Variants in CTNNA2 observed in about 807,000 individuals in gnomAD.
CTNNA2 encodes the protein catenin alpha-2.
A neutral mutation model predicts 101.0 loss-of-function variants in CTNNA2; 42 were observed. The observed-to-expected ratio is 0.42, with a 90% confidence interval of 0.32 to 0.54. The LOEUF is 0.54. CTNNA2 is among the 20% of genes least tolerant of loss of function. The pLI is 0.14. For missense variants in CTNNA2, 871 were observed against 1,223.1 expected (o/e 0.71, Z 4.29); for synonymous variants, 450 against 456.4 (o/e 0.99, Z 0.18).
At chr2:79,416,369 C>T (rs1385349813) in intron 4 of CTNNA2, among the ~76,000 whole-genome samples, 1 of 149,842 alleles carries the variant, frequency 6.7e-6, no homozygotes, top group African/African-American at 2.5e-5. Context: ...AAATTCTAAG[C>T]CTATTTCAAA....
rs76971846 is a variant in CTNNA2 at position 79,681,600 on chromosome 2, A to C, written c.102+29942A>C. ...TTATTAGTGCATTCTTAGCAGAATGAAATATGGAACAAGTCAGCTTCACAC... is the reference window on the plus strand; with the variant it reads ...TTATTAGTGCATTCTTAGCAGAATGCAATATGGAACAAGTCAGCTTCACAC... On this transcript the variant is annotated intron_variant, in intron 2 of 18. Coordinates refer to ENST00000402739, the MANE Select transcript of CTNNA2 (RefSeq NM_001282597.3). Among the ~76,000 whole-genome samples, 639 of 152,320 alleles carry C rather than the reference A, an allele frequency of 4.2e-3. 5 individuals carry two copies. The highest frequency in any genetic ancestry group is 0.015 in the African/African-American group (615 of 41,572).
chr2:80,350,199 G>A (rs1673154058), intron 7 of CTNNA2, among the ~76,000 whole-genome samples: 1 of 152,106 alleles, frequency 6.6e-6, no homozygotes, highest in East Asian at 1.9e-4. Context: ...AGGGAATGCT[G>A]GGCTTTGACA....
chr2:79,305,862 G>A (rs1029212285), intron 2 of CTNNA2, among the ~76,000 whole-genome samples: 4 of 152,008 alleles, frequency 2.6e-5, no homozygotes, highest in African/African-American at 4.8e-5. Flanking sequence ...TGGCTAACAC[G>A]GTGAAACCCC....
chr2:79,856,783 A>G (rs1681173058), intron 3 of CTNNA2, among the ~76,000 whole-genome samples: 1 of 152,090 alleles, frequency 6.6e-6, no homozygotes, highest in African/African-American at 2.4e-5. Context: ...GTCAGCCCTT[A>G]GATCGGTTGG....
At chr2:79,785,306 T>A (rs1573963745) in intron 3 of CTNNA2, among the ~76,000 whole-genome samples, 1 of 152,178 alleles carries the variant, frequency 6.6e-6, no homozygotes, top group Non-Finnish European at 1.5e-5. Flanking sequence ...CTTACTCACA[T>A]CCCTTCTTTC....
chr2:79,832,089 C>T (rs1018151291), intron 3 of CTNNA2, among the ~76,000 whole-genome samples: 7 of 152,092 alleles, frequency 4.6e-5, no homozygotes, highest in African/African-American at 1.7e-4. Context: ...TTTTCAGTCC[C>T]ATACTCATTC....
At chr2:80,456,049 T>A (rs1247214744) in intron 9 of CTNNA2, among the ~76,000 whole-genome samples, 1 of 152,190 alleles carries the variant, frequency 6.6e-6, no homozygotes, top group Non-Finnish European at 1.5e-5. Context: ...TCCTTATTTG[T>A]ACCATAATTT....
At chr2:80,542,776 GGTT>G (rs1165097310) in intron 9 of CTNNA2, among the ~76,000 whole-genome samples, 5 of 152,014 alleles carry the variant, frequency 3.3e-5, no homozygotes, top group African/African-American at 9.7e-5. Flanking sequence ...TAGAATGAGA[GGTT>G]GTTCAAAAGC....
chr2:80,647,089 G>C lies in CTNNA2; in HGVS notation c.2575-496G>C, dbSNP rs116568161. On this transcript the variant is annotated intron_variant, in intron 18 of 18. Coordinates refer to ENST00000402739, the MANE Select transcript of CTNNA2 (RefSeq NM_001282597.3). The stretch of plus-strand genomic sequence containing the variant: ...GAGGTATACTGAGGACCTGTTAATA[G>C]TTAAATTGATACTCCAAGCTCAATT... Among the ~76,000 whole-genome samples, 579 of 152,112 alleles carry C rather than the reference G, an allele frequency of 3.8e-3. 3 individuals carry two copies. The highest frequency in any genetic ancestry group is 0.014 in the Middle Eastern group (4 of 294).
At chr2:80,128,511 A>T (rs777957332) in intron 7 of CTNNA2, among the ~76,000 whole-genome samples, 2 of 152,156 alleles carry the variant, frequency 1.3e-5, no homozygotes, top group African/African-American at 2.4e-5. Flanking sequence ...GTGTTTTCAA[A>T]GCAACGTAAG....
At chr2:80,539,619 TC>T (rs1479230124) in intron 9 of CTNNA2, among the ~76,000 whole-genome samples, 2 of 152,112 alleles carry the variant, frequency 1.3e-5, no homozygotes, top group East Asian at 3.9e-4. Context: ...CTAAGCTTCC[TC>T]CTTTCCCTCA....
chr2:80,309,238 A>G (rs1677307357), intron 7 of CTNNA2, among the ~76,000 whole-genome samples: 1 of 152,130 alleles, frequency 6.6e-6, no homozygotes. Flanking sequence ...TGTTATGCTT[A>G]CCTATGTTTT....
At chr2:79,233,473 A>T (rs770459258) in intron 2 of CTNNA2, among the ~76,000 whole-genome samples, 1 of 152,216 alleles carries the variant, frequency 6.6e-6, no homozygotes, top group Non-Finnish European at 1.5e-5. Flanking sequence ...ATGTCTGAGC[A>T]TATGGCAGGT....
chr2:79,875,255 C>T (rs1471499844), intron 6 of CTNNA2, among the ~76,000 whole-genome samples: 2 of 152,084 alleles, frequency 1.3e-5, no homozygotes, highest in African/African-American at 4.8e-5. Context: ...GGATGACAGC[C>T]CCCATTCCCC....
intron 7 of CTNNA2, among the ~76,000 whole-genome samples, chr2:80,267,341 G>GAAATGA (rs1673078969): frequency 6.6e-6 from 1 of 152,168 alleles, no homozygotes; most frequent in Admixed American, 6.5e-5. Flanking sequence ...ATAAGTAAGA[G>GAAATGA]AAATGAAAAT....
At chr2:79,911,761 G>A (rs1650892907) in intron 7 of CTNNA2, among the ~76,000 whole-genome samples, 1 of 152,162 alleles carries the variant, frequency 6.6e-6, no homozygotes, top group Admixed American at 6.5e-5. Flanking sequence ...ATCAAAGCCT[G>A]AAATAAAACA....
At chr2:79,411,442 C>T (rs541257640) in intron 4 of CTNNA2, among the ~76,000 whole-genome samples, 1 of 151,636 alleles carries the variant, frequency 6.6e-6, no homozygotes, top group Non-Finnish European at 1.5e-5. Context: ...GCATTTAGTG[C>T]TATAAATTTC....
intron 13 of CTNNA2, among the ~76,000 whole-genome samples, chr2:80,581,163 A>C (rs1486146263): frequency 6.6e-5 from 10 of 152,196 alleles, no homozygotes; most frequent in African/African-American, 2.4e-4. Flanking sequence ...AGAGGAAGTC[A>C]AACTAAGAGA....
At chr2:79,284,663 A>G (rs1039117181) in intron 2 of CTNNA2, among the ~76,000 whole-genome samples, 1 of 150,170 alleles carries the variant, frequency 6.7e-6, no homozygotes, top group African/African-American at 2.4e-5. Flanking sequence ...TCATTTTGCC[A>G]GTATTTTATT....
Sources: allele counts gnomAD v4.1 joint callset (sites outside exome capture counted in the v4.1 genomes callset), GRCh38; gene constraint gnomAD v4.1.1; transcripts MANE v1.5; gene names NCBI Gene and HGNC (gene_info 2026-07-23, HGNC 2026-07-21).